The following NELL1 variants were observed in gnomAD, a reference collection of about 807,000 sequenced individuals.
The protein encoded by NELL1 is neural EGFL like 1, also known as protein kinase C-binding protein NELL1.
NELL1 carries 76 observed loss-of-function variants against 107.4 expected under a neutral mutation model. That is an observed-to-expected ratio of 0.71 (90% confidence interval 0.59 to 0.86). NELL1 has a LOEUF of 0.86. Among genes scored for constraint, NELL1 ranks in the 40% least tolerant of loss-of-function variants. NELL1 has a pLI of 0.00. For synonymous variants in NELL1, 353 were observed against 341.2 expected, an observed-to-expected ratio of 1.03 and a Z score of -0.38; for missense variants, 1,024 against 1,005.5, an observed-to-expected ratio of 1.02 and a Z score of -0.25.
intron 2 of NELL1, among the ~76,000 whole-genome samples, chr11:20,766,006 A>G (rs976600572): frequency 3.3e-5 from 5 of 152,140 alleles, no homozygotes; most frequent in Admixed American, 1.3e-4. Context: ...CTTAGAGGCA[A>G]TTGGGGTCAT....
intron 12 of NELL1, among the ~76,000 whole-genome samples, chr11:21,077,060 C>T (rs554883590): frequency 6.6e-5 from 10 of 152,082 alleles, no homozygotes; most frequent in Non-Finnish European, 1.2e-4. Flanking sequence ...GTCAACCCAC[C>T]TTCCCATTTT....
chr11:21,112,681 A>C (rs116201735), intron 12 of NELL1, among the ~76,000 whole-genome samples: 1,621 of 152,134 alleles, frequency 0.011, 26 homozygotes, highest in African/African-American at 0.037. Flanking sequence ...TTGGGTTCAG[A>C]ATTGACCATT....
chr11:21,021,516 C>A (rs982538860), intron 12 of NELL1, among the ~76,000 whole-genome samples: 3 of 152,038 alleles, frequency 2.0e-5, no homozygotes, highest in African/African-American at 7.2e-5. Context: ...TTAGGGAAGG[C>A]AAGTCAGATG....
intron 12 of NELL1, among the ~76,000 whole-genome samples, chr11:21,032,791 ATAT>A (rs1420465367): frequency 6.6e-6 from 1 of 152,110 alleles, no homozygotes; most frequent in Non-Finnish European, 1.5e-5. Context: ...ATTGTTATTT[ATAT>A]TATTATACTG....
intron 15 of NELL1, among the ~76,000 whole-genome samples, chr11:21,522,244 A>AC (rs1418167935): frequency 2.6e-5 from 4 of 151,988 alleles, no homozygotes; most frequent in South Asian, 2.1e-4. Flanking sequence ...AAAAAAAAAA[A>AC]AAACAAACAA....
chr11:21,456,942 G>A (rs977657512), intron 15 of NELL1, among the ~76,000 whole-genome samples: 4 of 151,930 alleles, frequency 2.6e-5, no homozygotes, highest in Non-Finnish European at 4.4e-5. Flanking sequence ...GTTGATTTCA[G>A]AAAGCTGAGA....
At chr11:20,767,899 A>G (rs1856564378) in intron 2 of NELL1, among the ~76,000 whole-genome samples, 1 of 152,216 alleles carries the variant, frequency 6.6e-6, no homozygotes, top group South Asian at 2.1e-4. Flanking sequence ...GTATACTAAT[A>G]AATGAGTAAC....
At chr11:21,431,652 T>A (rs533264709) in intron 15 of NELL1, among the ~76,000 whole-genome samples, 1 of 152,302 alleles carries the variant, frequency 6.6e-6, no homozygotes, top group East Asian at 1.9e-4. Flanking sequence ...ACCATTCAGA[T>A]CTGCTGCAGT....
At chr11:20,800,084 A>C (rs1457632200) in intron 3 of NELL1, among the ~76,000 whole-genome samples, 2 of 152,170 alleles carry the variant, frequency 1.3e-5, no homozygotes, top group Non-Finnish European at 2.9e-5. Flanking sequence ...TATACGTACT[A>C]GATTTTCTTT....
At chr11:20,851,198 G>T (rs140075872) in intron 4 of NELL1, among the ~76,000 whole-genome samples, 2 of 152,262 alleles carry the variant, frequency 1.3e-5, no homozygotes, top group Non-Finnish European at 2.9e-5. Context: ...GCAGGATTTC[G>T]CACATTATTT....
intron 12 of NELL1, among the ~76,000 whole-genome samples, chr11:21,033,827 CA>C (rs1303622471): frequency 1.3e-5 from 2 of 152,150 alleles, no homozygotes; most frequent in African/African-American, 2.4e-5. Flanking sequence ...CTGTCTTCCA[CA>C]ATGGTGAAAC....
intron 4 of NELL1, among the ~76,000 whole-genome samples, chr11:20,863,934 C>T (rs897668555): frequency 6.6e-5 from 10 of 152,144 alleles, no homozygotes; most frequent in African/African-American, 1.2e-4. Context: ...AGTGAAACCC[C>T]GTCTCCACCA....
intron 2 of NELL1, among the ~76,000 whole-genome samples, chr11:20,775,478 C>T (rs538177682): frequency 0.016 from 227 of 14,470 alleles, 1 homozygote; most frequent in Admixed American, 0.041. Flanking sequence ...AAAATCTTTT[C>T]ACCACTCTTT....
chr11:20,919,055 G>A (rs1455714394), intron 6 of NELL1, among the ~76,000 whole-genome samples, 197 bp from the exon 7 acceptor site: 1 of 151,344 alleles, frequency 6.6e-6, no homozygotes, highest in Non-Finnish European at 1.5e-5. Context: ...CCTTTTTCCT[G>A]TTCCTTTCTT....
chr11:20,988,275 A>G (rs930879749), intron 12 of NELL1, among the ~76,000 whole-genome samples: 2 of 152,134 alleles, frequency 1.3e-5, no homozygotes, highest in Non-Finnish European at 2.9e-5. Context: ...TGAATGACCT[A>G]TCATGGTGAA....
intron 13 of NELL1, among the ~76,000 whole-genome samples, chr11:21,204,273 C>G (rs1488070875): frequency 1.3e-5 from 2 of 152,136 alleles, no homozygotes; most frequent in Non-Finnish European, 2.9e-5. Context: ...AGTTTTTTCA[C>G]ACAGTCCCGT....
chr11:21,386,391 A>T (rs1007243175), intron 15 of NELL1, among the ~76,000 whole-genome samples: 24 of 151,824 alleles, frequency 1.6e-4, no homozygotes, highest in African/African-American at 2.9e-4. Flanking sequence ...ATCTTTTTTT[A>T]AAAAAACCTT....
chr11:21,227,775 G>A (rs1857932072), intron 13 of NELL1, among the ~76,000 whole-genome samples: 1 of 152,120 alleles, frequency 6.6e-6, no homozygotes, highest in Non-Finnish European at 1.5e-5. Context: ...GTTTGGGTTG[G>A]TCTTAAGGCC....
At chr11:21,095,588 G>A (rs562168289) in intron 12 of NELL1, among the ~76,000 whole-genome samples, 90 of 152,244 alleles carry the variant, frequency 5.9e-4, no homozygotes, top group South Asian at 1.7e-3. Flanking sequence ...CATGGCAGAA[G>A]GCAATGAGGA....
Sources: gnomAD v4.1 joint callset for allele counts (sites outside exome capture counted in the v4.1 genomes callset) on GRCh38, gnomAD v4.1.1 for gene constraint, MANE v1.5 for transcripts, NCBI Gene and HGNC (gene_info 2026-07-23, HGNC 2026-07-21) for gene names.